Variants in GUCY1B1 observed in about 807,000 individuals in gnomAD.
The protein encoded by GUCY1B1 is guanylate cyclase 1 soluble subunit beta 1.
GUCY1B1 carries 43 observed loss-of-function variants against 71.0 expected under a neutral mutation model. The observed-to-expected ratio is 0.61, with a 90% CI of 0.47 to 0.78. GUCY1B1 has a LOEUF of 0.78. Among genes scored for constraint, GUCY1B1 ranks in the 30% least tolerant of loss-of-function variants. GUCY1B1 has a pLI of 0.00. For missense variants in GUCY1B1, 535 were observed against 754.1 expected (o/e 0.71, Z 3.40); for synonymous variants, 266 against 259.7 (o/e 1.02, Z -0.23).
intron 2 of GUCY1B1, among the ~76,000 whole-genome samples, chr4:155,767,243 T>G (rs1260468133): frequency 1.3e-5 from 2 of 152,170 alleles, no homozygotes; most frequent in Non-Finnish European, 2.9e-5. Context: ...TCTTTTTTCT[T>G]GGAATGTTCA....
At chr4:155,771,252 C>A (rs1302137549) in intron 2 of GUCY1B1, among the ~76,000 whole-genome samples, 5 of 151,948 alleles carry the variant, frequency 3.3e-5, no homozygotes, top group Non-Finnish European at 7.4e-5. Context: ...TATTTCAGTC[C>A]CCACTGGGGA....
At chr4:155,776,758 A>G (rs1294491390) in intron 3 of GUCY1B1, among the ~76,000 whole-genome samples, 1 of 152,240 alleles carries the variant, frequency 6.6e-6, no homozygotes, top group Non-Finnish European at 1.5e-5. Context: ...ACACCAGGGT[A>G]CATGTTATAT....
chr4:155,777,030 G>C (rs1289413334), intron 3 of GUCY1B1, among the ~76,000 whole-genome samples: 2 of 152,080 alleles, frequency 1.3e-5, no homozygotes, highest in Non-Finnish European at 2.9e-5. Context: ...CTTGAGGATG[G>C]GATTCAAGTC....
chr4:155,786,720 GC>G (rs1175887346), intron 4 of GUCY1B1, among the ~76,000 whole-genome samples: 1 of 151,774 alleles, frequency 6.6e-6, no homozygotes. Context: ...TGATCCGCCC[GC>G]CTTGGCCTCC....
At chr4:155,760,511 G>A (rs1736930601) in intron 2 of GUCY1B1, among the ~76,000 whole-genome samples, 1 of 139,174 alleles carries the variant, frequency 7.2e-6, no homozygotes, top group South Asian at 2.2e-4. Flanking sequence ...TTTCAGTCCT[G>A]GAGCTTTGAG....
intron 4 of GUCY1B1, among the ~76,000 whole-genome samples, chr4:155,789,331 G>A (rs1579232423): frequency 6.6e-6 from 1 of 152,204 alleles, no homozygotes; most frequent in South Asian, 2.1e-4. Context: ...AAATGTGTGA[G>A]TCCTTTGGCC....
intron 2 of GUCY1B1, among the ~76,000 whole-genome samples, chr4:155,764,213 A>C (rs1737185187): frequency 6.6e-6 from 1 of 152,192 alleles, no homozygotes; most frequent in African/African-American, 2.4e-5. Context: ...CTTTCTGTAG[A>C]TCTGCTTAAG....
chr4:155,787,228 G>A (rs1201904897), intron 4 of GUCY1B1, among the ~76,000 whole-genome samples: 1 of 152,110 alleles, frequency 6.6e-6, no homozygotes, highest in Non-Finnish European at 1.5e-5. Flanking sequence ...TTAGGACTCC[G>A]GGGTTTGTAG....
In GUCY1B1 at chr4:155,789,910, A is replaced by G; in HGVS notation, c.494A>G (p.Lys165Arg). ...QQIHGTEIDMKVIQQRNEECD... is the reference protein window; with the variant it reads ...QQIHGTEIDMRVIQQRNEECD... ...ATCCATGGCACTGAAATAGACATGA[A>G]GGTAACAAACAGCAATGGAGACTTC... Residue 165 changes from lysine to arginine, a missense_variant and splice_region_variant, in exon 5 of 14, where the codon AAG becomes AGG. Transcript: ENST00000264424. The G allele has an allele frequency of 1.3e-6, 2 of 1,598,078 alleles. No homozygotes were observed. Among genetic ancestry groups the G allele is most frequent in the Non-Finnish European group, 1.7e-6 (2 of 1,167,910 alleles).
chr4:155,794,074 A>C lies in GUCY1B1; in HGVS notation c.714A>C (p.Arg238Ser), dbSNP rs370902942. The part of the protein sequence containing the change: ...VVTQCGNAIY[R>S]VLPQLQPGNC... ...CTCAGTGTGGCAATGCTATATACAG[A>C]GTTCTCCCCCAGGTAAAATGACAGC... The change falls in exon 6 of 14, where the codon AGA becomes AGC. Residue 238 changes from arginine (R) to serine (S), a missense_variant. Coordinates refer to ENST00000264424, the MANE Select transcript of GUCY1B1 (RefSeq NM_000857.5). 17 of 1,584,348 alleles carry C rather than the reference A, an allele frequency of 1.1e-5. No individual in the cohort carries two copies. The highest frequency in any genetic ancestry group is 1.4e-5 in the Non-Finnish European group (16 of 1,153,676).
rs769013988 is a variant in GUCY1B1 at position 155,760,403 on chromosome 4, T to C, written c.77+543T>C. Among the ~76,000 whole-genome samples, 89 of 152,170 alleles carry C rather than the reference T, an allele frequency of 5.8e-4. 1 individual carries two copies. Among genetic ancestry groups the C allele is most frequent in the Non-Finnish European group, 1.1e-3 (76 of 67,998 alleles). Reference sequence around the variant, plus strand: ...AAAGTGAAAATTGGAAGTTTTTTGTTTTCCCCAAATCCCACTGCCCACCCC... The same window carrying C: ...AAAGTGAAAATTGGAAGTTTTTTGTCTTCCCCAAATCCCACTGCCCACCCC... On this transcript the variant is annotated intron_variant, in intron 2 of 13. Transcript: ENST00000264424.
intron 9 of GUCY1B1, among the ~76,000 whole-genome samples, chr4:155,801,640 T>C (rs1157482524): frequency 2.0e-5 from 3 of 152,314 alleles, no homozygotes; most frequent in Admixed American, 1.3e-4. Flanking sequence ...TTTGTTCCTC[T>C]TCAGTCTTCC....
rs549270018 is a variant in GUCY1B1 at position 155,767,529 on chromosome 4, CTGT to C, written c.78-7431_78-7429del. On this transcript the variant is annotated intron_variant, in intron 2 of 13. Coordinates refer to ENST00000264424, the MANE Select transcript of GUCY1B1 (RefSeq NM_000857.5). ...AGAAACATGCAATTATGTATCAAGACTGTTGTTGTTTCCCCTAAAACTAAGGTA... is the reference window on the plus strand; with the variant it reads ...AGAAACATGCAATTATGTATCAAGACTGTTGTTTCCCCTAAAACTAAGGTA... Among the ~76,000 whole-genome samples the C allele has an allele frequency of 6.6e-5, 10 of 152,218 alleles. No individual in the cohort carries two copies. The South Asian group carries it at 1.7e-3, about 25-fold the overall frequency.
intron 4 of GUCY1B1, among the ~76,000 whole-genome samples, chr4:155,788,293 C>T (rs900505463): frequency 5.9e-5 from 9 of 152,222 alleles, no homozygotes; most frequent in South Asian, 4.1e-4. Context: ...GTTTCCTTGA[C>T]TGTCAGCAGG....
intron 4 of GUCY1B1, among the ~76,000 whole-genome samples, chr4:155,781,231 A>G (rs1223073541): frequency 6.6e-6 from 1 of 152,176 alleles, no homozygotes; most frequent in Non-Finnish European, 1.5e-5. Flanking sequence ...ATGTGTCTTT[A>G]TAATTATTTG....
chr4:155,777,608 G>T lies in GUCY1B1; in HGVS notation c.263G>T (p.Arg88Leu). The change falls in exon 4 of 14, where the codon CGT becomes CTT. Residue 88 changes from arginine (R) to leucine (L), a missense_variant. Physicochemically the swap from Arg to Leu is moderately radical, Grantham distance 102. Coordinates refer to ENST00000264424, the MANE Select transcript of GUCY1B1 (RefSeq NM_000857.5). ...CQESGYDTILRVLGSNVREFL... is the reference protein window; with the variant it reads ...CQESGYDTILLVLGSNVREFL... ...GAATCTGGTTATGATACAATCTTGC[G>T]TGTCCTGGGCTCTAATGTCAGAGAA... 6.2e-7 allele frequency: 1 copy of T among 1,602,494 alleles called. No individual in the cohort carries two copies. The highest frequency in any genetic ancestry group is 8.6e-7 in the Non-Finnish European group (1 of 1,169,580).
rs143476394 is a variant in GUCY1B1 at position 155,803,836 on chromosome 4, C to G, written c.1554+72C>G. On this transcript the variant is annotated intron_variant, in intron 11 of 13. Transcript: ENST00000264424. ...TGGACAATTGATTCATATCGTTGTC[C>G]GGAAAATCATTAACGTGTATAAAGA... 10 of 1,033,684 alleles carry G rather than the reference C, an allele frequency of 9.7e-6. No individual in the cohort carries two copies. In the Middle Eastern group the frequency reaches 1.0e-3, roughly 108 times the overall value. 64.0% of individuals were successfully genotyped at this position (1,033,684 alleles called of 1,614,324 possible). A position where few individuals can be genotyped will look rare whatever the true frequency, so the allele number is the denominator to read the frequency against.
In GUCY1B1 at chr4:155,793,881, G is replaced by T. The variant is rs1433923194; in HGVS notation, c.521G>T (p.Cys174Phe). The T allele has an allele frequency of 1.3e-6, 2 of 1,525,604 alleles. No homozygotes were observed. The highest frequency in any genetic ancestry group is 1.8e-6 in the Non-Finnish European group (2 of 1,099,468). The allele number at this position is 1,525,604 out of a possible 1,614,324, so 94.5% of individuals were successfully genotyped here. The change falls in exon 6 of 14, where the codon TGT becomes TTT. Residue 174 changes from cysteine to phenylalanine, a missense_variant. Physicochemically the swap from Cys to Phe is radical, Grantham distance 205. Transcript: ENST00000264424. ...MKVIQQRNEECDHTQFLIEEK... is the reference protein window; with the variant it reads ...MKVIQQRNEEFDHTQFLIEEK... ...GTTATTCAGCAAAGAAATGAAGAAT[G>T]TGATCATACTCAATTTTTAATTGAA...
intron 2 of GUCY1B1, among the ~76,000 whole-genome samples, chr4:155,769,624 T>A (rs1053945251): frequency 2.0e-5 from 3 of 152,152 alleles, no homozygotes; most frequent in Non-Finnish European, 4.4e-5. Flanking sequence ...GCATGAAGAT[T>A]GTAGTGCTGT....
Sources: allele counts gnomAD v4.1 joint callset (sites outside exome capture counted in the v4.1 genomes callset), GRCh38; gene constraint gnomAD v4.1.1; transcripts MANE v1.5; gene names NCBI Gene and HGNC (gene_info 2026-07-23, HGNC 2026-07-21).